Variants in LRP1 observed in about 807,000 individuals in gnomAD.
The protein encoded by LRP1 is prolow-density lipoprotein receptor-related protein 1.
LRP1 carries 51 observed loss-of-function variants against 541.5 expected under a neutral mutation model. The ratio of observed to expected loss-of-function variants is 0.09; its 90% CI spans 0.08 to 0.12. The LOEUF (loss-of-function observed/expected upper bound fraction) is 0.12. Among genes scored for constraint, LRP1 ranks in the 10% least tolerant of loss-of-function variants. The pLI is 1.00. For synonymous variants in LRP1, 2,219 were observed against 2,470.8 expected (o/e 0.90, Z 3.02); for missense variants, 3,878 against 6,376.2 (o/e 0.61, Z 13.34).
chr12:57,192,725 C>G (rs988848413), intron 44 of LRP1, 120 bp from the exon 45 acceptor site: 1 of 1,394,282 alleles, frequency 7.2e-7, no homozygotes, highest in African/African-American at 1.4e-5. Flanking sequence ...GCCGCTGTGC[C>G]TGCCGTGACT....
At chr12:57,167,263 G>T (rs34566110) in intron 18 of LRP1, among the ~76,000 whole-genome samples, 181 bp from the exon 19 acceptor site, 61 of 152,304 alleles carry the variant, frequency 4.0e-4, no homozygotes, top group African/African-American at 1.4e-3. Flanking sequence ...TCCTGTGTCT[G>T]CTGACTCATG....
chr12:57,197,556 C>T lies in LRP1; in HGVS notation c.9174C>T (p.Asn3058=), dbSNP rs138786816. ...CTCCCCAAATCCAGGGCCTGAACAACGCCGTTGCCTTGGATTTTGACTACC... is the reference window on the plus strand; with the variant it reads ...CTCCCCAAATCCAGGGCCTGAACAATGCCGTTGCCTTGGATTTTGACTACC... ...NYTLLKQGLN[N]AVALDFDYRE... is the part of the protein sequence containing the mutation. Residue 3058 remains asparagine (N), a synonymous_variant, in exon 58 of 89, where the codon AAC becomes AAT. Transcript: ENST00000243077. The surrounding 1 kb of genome is among the most constrained non-coding windows in gnomAD (Gnocchi z 4.5). 8.4e-5 allele frequency: 135 copies of T among 1,614,126 alleles called. No individual in the cohort carries two copies. Among genetic ancestry groups the T allele is most frequent in the East Asian group, 8.0e-4 (36 of 44,872 alleles).
intron 22 of LRP1, 29 bp from the exon 23 acceptor site, chr12:57,175,431 G>C: frequency 6.2e-7 from 1 of 1,610,178 alleles, no homozygotes; most frequent in Non-Finnish European, 8.5e-7. Context: ...TCTGACCCTG[G>C]GTCTGTTCCA....
At chr12:57,176,221 C>A in intron 24 of LRP1, 115 bp downstream of exon 24, 1 of 985,478 alleles carries the variant, frequency 1.0e-6, no homozygotes, top group Non-Finnish European at 1.5e-6. Flanking sequence ...CCATCCCCCA[C>A]ACTTCTGTTC....
intron 6 of LRP1, chr12:57,149,050 C>A: frequency 1.6e-6 from 1 of 628,256 alleles, no homozygotes; most frequent in Non-Finnish European, 2.9e-6. Flanking sequence ...AAAGAAGGGG[C>A]AGACAGCAGT....
At position 57,144,995 on chromosome 12, in the gene LRP1, G is replaced by A. The variant is rs774096342; in HGVS notation, c.472G>A (p.Gly158Ser). 9 of 1,613,914 alleles carry A rather than the reference G, an allele frequency of 5.6e-6. No homozygotes were observed. The East Asian group carries it at 8.9e-5, about 16-fold the overall frequency. ...AGATTTTGATGAGTGCTCAGTGTAC[G>A]GCACCTGCAGCCAGCTATGCACCAA... ...CKDFDECSVY[G>S]TCSQLCTNTD... is the part of the protein sequence containing the mutation. Residue 158 changes from glycine to serine, a missense_variant, in exon 5 of 89, where the codon GGC (glycine) becomes AGC (serine). Coordinates refer to ENST00000243077, the MANE Select transcript of LRP1 (RefSeq NM_002332.3).
In LRP1 at chr12:57,212,189, G is replaced by A; in HGVS notation, c.13422G>A (p.Lys4474=). The change falls in exon 88 of 89, where the codon AAG becomes AAA. Residue 4474 remains lysine, a synonymous_variant. Coordinates refer to ENST00000243077, the MANE Select transcript of LRP1 (RefSeq NM_002332.3). The surrounding 1 kb of genome is among the most constrained non-coding windows in gnomAD (Gnocchi z 5.0). The part of the protein sequence containing the change: ...MNVEIGNPTY[K]MYEGGEPDDV... ...TGGAGATTGGAAACCCCACCTACAA[G>A]ATGTACGAAGGCGGAGAGCCTGATG... 6.2e-7 allele frequency: 1 copy of A among 1,614,026 alleles called. No homozygotes were observed. Among genetic ancestry groups the A allele is most frequent in the Non-Finnish European group, 8.5e-7 (1 of 1,180,026 alleles).
rs2035689482 is a variant in LRP1, at chr12:57,159,694, G to A, written c.1799-131G>A. The A allele has an allele frequency of 1.4e-5, 11 of 777,576 alleles. No homozygotes were observed. The East Asian group carries it at 2.5e-4, about 18-fold the overall frequency. The allele number at this position is 777,576 out of a possible 1,614,324, so 48.2% of individuals were successfully genotyped here. On this transcript the variant is annotated intron_variant, in intron 11 of 88. Coordinates refer to ENST00000243077, the MANE Select transcript of LRP1 (RefSeq NM_002332.3). The stretch of plus-strand genomic sequence containing the variant: ...TCCCTACCCCCACCCATCTGTCTAG[G>A]GCCCCAGAGGGTCCCTGCACCCCTC...
At position 57,208,233 on chromosome 12, in the gene LRP1, G is replaced by T. The variant is rs374232805; in HGVS notation, c.12038+17G>T. ...ACTGAGGGGGTGGGCAAGGGCCCTG[G>T]GGGGAGGCCTCTGGGCTGGTGGTAG... On this transcript the variant is annotated intron_variant, in intron 77 of 88. Transcript: ENST00000243077. 2 of 1,609,822 alleles carry T rather than the reference G, an allele frequency of 1.2e-6. No homozygotes were observed. Among genetic ancestry groups the T allele is most frequent in the Non-Finnish European group, 1.7e-6 (2 of 1,178,016 alleles).
chr12:57,140,854 T>C (rs979171427), intron 2 of LRP1, among the ~76,000 whole-genome samples: 3 of 152,162 alleles, frequency 2.0e-5, no homozygotes, highest in African/African-American at 7.2e-5. Flanking sequence ...TGCCTCAGCC[T>C]CCCGAGTAGC....
rs35835063 is a variant in LRP1 at position 57,142,978 on chromosome 12, G to A, written c.329-701G>A. On this transcript the variant is annotated intron_variant, in intron 3 of 88. Coordinates refer to ENST00000243077, the MANE Select transcript of LRP1 (RefSeq NM_002332.3). ...GCCGCTGGACAAAGGGGTCTTTGTG[G>A]CCAGGCTGCCTGGCCCCACGCAAGG... Among the ~76,000 whole-genome samples, 196 of 152,206 alleles carry A rather than the reference G, an allele frequency of 1.3e-3. 1 individual carries two copies. The highest frequency in any genetic ancestry group is 4.4e-3 in the African/African-American group (183 of 41,524).
chr12:57,185,215 G>T lies in LRP1; in HGVS notation c.6463+10G>T. On this transcript the variant is annotated intron_variant, in intron 40 of 88. Transcript: ENST00000243077. This position sits in a 1 kb window ranked among gnomAD's most constrained non-coding sequence, Gnocchi z 4.9. ...CGGGACCGGCAGAAAGGTGAGGCTGGGGCTCTGGGCTGGGGTGGAGAGGTG... is the reference window on the plus strand; with the variant it reads ...CGGGACCGGCAGAAAGGTGAGGCTGTGGCTCTGGGCTGGGGTGGAGAGGTG... 6.2e-7 allele frequency: 1 copy of T among 1,614,024 alleles called. No homozygotes were observed. The highest frequency in any genetic ancestry group is 8.5e-7 in the Non-Finnish European group (1 of 1,179,958).
intron 68 of LRP1, 71 bp from the exon 69 acceptor site, chr12:57,203,110 A>G: frequency 8.9e-7 from 1 of 1,123,874 alleles, no homozygotes; most frequent in Non-Finnish European, 1.3e-6. Context: ...TGGGCTCGGG[A>G]CTGTGGCACT....
chr12:57,165,750 C>T lies in LRP1; in HGVS notation c.2531-55C>T, dbSNP rs1365581831. On this transcript the variant is annotated intron_variant, in intron 15 of 88. Coordinates refer to ENST00000243077, the MANE Select transcript of LRP1 (RefSeq NM_002332.3). The surrounding 1 kb of genome is among the most constrained non-coding windows in gnomAD (Gnocchi z 4.5). ...CAAAAATGGTGCAAAGGGCTTAGTA[C>T]TTGTCCCACGACCGGGGTCTGACTT... 3 of 1,586,944 alleles carry T rather than the reference C, an allele frequency of 1.9e-6. No individual in the cohort carries two copies. Among genetic ancestry groups the T allele is most frequent in the South Asian group, 1.1e-5 (1 of 90,214 alleles).
intron 20 of LRP1, among the ~76,000 whole-genome samples, chr12:57,171,158 G>A (rs1257776430): frequency 6.6e-6 from 1 of 152,192 alleles, no homozygotes. Flanking sequence ...TCCCAGATAA[G>A]CTGGGCAAAT....
Position 57,194,622 on chromosome 12 carries a change from G to A in LRP1, c.8114G>A (p.Ser2705Asn), listed in dbSNP as rs1592650429. 1 of 1,610,784 alleles carries A rather than the reference G, an allele frequency of 6.2e-7. No homozygotes were observed. The highest frequency in any genetic ancestry group is 8.5e-7 in the Non-Finnish European group (1 of 1,179,216). The change falls in exon 50 of 89, where the codon AGT (serine) becomes AAT (asparagine). Residue 2705 changes from serine to asparagine, a missense_variant. This residue lies in a region of LRP1 where 1,100 missense variants were observed against 1,827.4 expected (regional missense o/e 0.60). Coordinates refer to ENST00000243077, the MANE Select transcript of LRP1 (RefSeq NM_002332.3). The stretch of plus-strand genomic sequence containing the variant: ...CCTCTGAATTACTTCGCCTGCCCTA[G>A]TGGGCGCTGCATCCCCATGAGCTGG... ...RCPLNYFACP[S>N]GRCIPMSWTC...
Position 57,178,794 on chromosome 12 carries a change from CA to C in LRP1, c.4607-95del. 4 of 1,525,826 alleles carry C rather than the reference CA, an allele frequency of 2.6e-6. No homozygotes were observed. The highest frequency in any genetic ancestry group is 3.5e-6 in the Non-Finnish European group (4 of 1,134,822). 94.5% of individuals were successfully genotyped at this position (1,525,826 alleles called of 1,614,324 possible). On this transcript the variant is annotated intron_variant, in intron 27 of 88. Transcript: ENST00000243077. The surrounding 1 kb of genome is among the most constrained non-coding windows in gnomAD (Gnocchi z 5.8). ...GGTCTAGTAGTAGCGGCTGCTGGAA[CA>C]GGGGGAGGAGAGTGGGCGAGGAAGG...
rs1352146659 is a variant in LRP1, at chr12:57,154,173, C to T, written c.842-35C>T. On this transcript the variant is annotated intron_variant, in intron 6 of 88. Transcript: ENST00000243077. The surrounding 1 kb of genome is among the most constrained non-coding windows in gnomAD (Gnocchi z 4.6). ...GTGGGCATCTCTGCAAGAGGGCCTA[C>T]CCCACCCCATGGCTCTTTCATTCGT... The T allele has an allele frequency of 6.9e-6, 11 of 1,592,796 alleles. No homozygotes were observed. Among genetic ancestry groups the T allele is most frequent in the Admixed American group, 1.7e-5 (1 of 59,466 alleles).
intron 8 of LRP1, 143 bp from the exon 9 acceptor site, chr12:57,155,951 A>AAAAT: frequency 1.5e-6 from 1 of 675,754 alleles, no homozygotes; most frequent in Non-Finnish European, 2.5e-6. Flanking sequence ...GTCCCGTCTC[A>AAAAT]AAATAAATAA....
Sources: allele counts gnomAD v4.1 joint callset (sites outside exome capture counted in the v4.1 genomes callset), GRCh38; gene constraint gnomAD v4.1.1; regional missense constraint gnomAD v4.1.1; non-coding constraint Gnocchi (gnomAD v3.1); transcripts MANE v1.5; gene names NCBI Gene and HGNC (gene_info 2026-07-23, HGNC 2026-07-21).